The following CNTN1 variants were observed in gnomAD, a reference collection of about 807,000 sequenced individuals.
CNTN1 encodes contactin-1.
CNTN1 carries 38 observed loss-of-function variants against 126.4 expected under a neutral mutation model. The ratio of observed to expected loss-of-function variants is 0.30; its 90% CI spans 0.23 to 0.39. The LOEUF is 0.39. Ranked by LOEUF, CNTN1 falls within the 10% of genes least tolerant of loss-of-function variation. CNTN1 has a pLI of 1.00. For missense variants in CNTN1, 1,009 were observed against 1,248.4 expected, an observed-to-expected ratio of 0.81 and a Z score of 2.89; for synonymous variants, 413 against 422.6, an observed-to-expected ratio of 0.98 and a Z score of 0.28.
chr12:40,951,714 TTAAAAAAA>T (rs1369482715), intron 14 of CNTN1, among the ~76,000 whole-genome samples: 6 of 79,646 alleles, frequency 7.5e-5, no homozygotes, highest in Admixed American at 5.2e-4. Context: ...GTCTCAAAAT[TTAAAAAAA>T]AAAAAAAAAA....
intron 1 of CNTN1, among the ~76,000 whole-genome samples, chr12:40,893,494 AT>A (rs907490940): frequency 2.0e-5 from 3 of 151,936 alleles, no homozygotes; most frequent in Admixed American, 6.6e-5. Context: ...TCAGGAAGCA[AT>A]TTTTTTTAAA....
chr12:40,820,742 G>T (rs1941416977), intron 1 of CNTN1, among the ~76,000 whole-genome samples: 2 of 152,164 alleles, frequency 1.3e-5, no homozygotes, highest in Admixed American at 1.3e-4. Flanking sequence ...AAGATTCACG[G>T]GAAACCATGT....
chr12:40,950,767 T>A (rs1381963086), intron 14 of CNTN1, among the ~76,000 whole-genome samples: 1 of 152,154 alleles, frequency 6.6e-6, no homozygotes, highest in Non-Finnish European at 1.5e-5. Flanking sequence ...GTATCTATGT[T>A]CCTGGGTGTG....
chr12:40,949,014 C>A (rs1946544501), intron 14 of CNTN1, among the ~76,000 whole-genome samples: 1 of 152,112 alleles, frequency 6.6e-6, no homozygotes, highest in Non-Finnish European at 1.5e-5. Context: ...GAGAAGAAGA[C>A]AGATTTCTCA....
chr12:40,785,951 G>A (rs954046062), intron 1 of CNTN1, among the ~76,000 whole-genome samples: 1 of 152,032 alleles, frequency 6.6e-6, no homozygotes, highest in Non-Finnish European at 1.5e-5. Flanking sequence ...TACAACATTG[G>A]GGATTACATT....
At chr12:40,707,984 C>T (rs1248959937) in intron 1 of CNTN1, among the ~76,000 whole-genome samples, 1 of 152,188 alleles carries the variant, frequency 6.6e-6, no homozygotes. Context: ...ATAATATTAA[C>T]TCTTCCAATG....
chr12:40,868,630 C>T (rs1223313874), intron 1 of CNTN1, among the ~76,000 whole-genome samples: 3 of 152,208 alleles, frequency 2.0e-5, no homozygotes, highest in Non-Finnish European at 2.9e-5. Context: ...AAAAATTGCC[C>T]TCTTTGCTCC....
chr12:40,767,765 A>G (rs972406672), intron 1 of CNTN1, among the ~76,000 whole-genome samples: 2 of 152,126 alleles, frequency 1.3e-5, no homozygotes, highest in Admixed American at 1.3e-4. Context: ...CTTAAATACT[A>G]CTTGAAAAGT....
intron 15 of CNTN1, among the ~76,000 whole-genome samples, chr12:40,977,686 A>G (rs1253291397): frequency 1.3e-5 from 2 of 152,168 alleles, no homozygotes; most frequent in East Asian, 3.8e-4. Flanking sequence ...GTTAATAGAT[A>G]AGGTTTCCTG....
chr12:40,855,258 A>G (rs1942862753), intron 1 of CNTN1, among the ~76,000 whole-genome samples: 1 of 152,174 alleles, frequency 6.6e-6, no homozygotes. Context: ...AACATTCATC[A>G]TAAGTTTAAA....
chr12:40,744,282 T>C, intron 1 of CNTN1, among the ~76,000 whole-genome samples: 1 of 142,866 alleles, frequency 7.0e-6, no homozygotes, highest in African/African-American at 2.6e-5. Flanking sequence ...ACATGTATCC[T>C]GGAACTTTAA....
chr12:40,730,265 G>A (rs569132044), intron 1 of CNTN1, among the ~76,000 whole-genome samples: 100 of 152,326 alleles, frequency 6.6e-4, no homozygotes, highest in Admixed American at 1.6e-3. Context: ...ATGCCAAACC[G>A]CTAGTTGGTC....
chr12:40,947,667 C>G (rs1220003143), intron 14 of CNTN1, among the ~76,000 whole-genome samples: 1 of 151,262 alleles, frequency 6.6e-6, no homozygotes, highest in Admixed American at 6.6e-5. Context: ...GGGTCATTTT[C>G]TTTCAACTGT....
In CNTN1 at chr12:40,692,450, G is replaced by A. The variant is rs1283428490; in HGVS notation, c.-219G>A. The A allele has an allele frequency of 6.6e-6, 1 of 152,484 alleles. No individual in the cohort carries two copies. The highest frequency in any genetic ancestry group is 1.5e-5 in the Non-Finnish European group (1 of 68,242). The allele number at this position is 152,484 out of a possible 1,614,324, so 9.4% of individuals were successfully genotyped here. A position where few individuals can be genotyped will look rare whatever the true frequency, so the allele number is the denominator to read the frequency against. On this transcript the variant is annotated 5_prime_UTR_variant, in exon 1 of 24. Transcript: ENST00000551295. ...CGCCCTAAAAGGCCGGGCTTCTGCT[G>A]TCAAGTAGCCAGGGTGGGCTCCGCC...
At chr12:40,878,383 CA>C (rs11320917) in intron 1 of CNTN1, among the ~76,000 whole-genome samples, 14,815 of 151,238 alleles carry the variant, frequency 0.098, 853 homozygotes, top group Non-Finnish European at 0.13. Flanking sequence ...TAAACATATA[CA>C]AAAACAAATC....
At chr12:40,891,819 G>C (rs2136731254) in intron 1 of CNTN1, among the ~76,000 whole-genome samples, 1 of 152,076 alleles carries the variant, frequency 6.6e-6, no homozygotes, top group Non-Finnish European at 1.5e-5. Flanking sequence ...AAGTCTTGAG[G>C]TTGGACAGTG....
At chr12:40,785,557 G>A (rs563030524) in intron 1 of CNTN1, among the ~76,000 whole-genome samples, 49 of 152,274 alleles carry the variant, frequency 3.2e-4, no homozygotes, top group African/African-American at 1.2e-3. Context: ...TTTGGGATAG[G>A]TGGTGGAATT....
chr12:40,830,289 C>G (rs956120867), intron 1 of CNTN1, among the ~76,000 whole-genome samples: 7 of 151,782 alleles, frequency 4.6e-5, no homozygotes, highest in African/African-American at 1.7e-4. Context: ...GAGGAACCAA[C>G]AAAAAATTGA....
At chr12:41,050,522 GAGACATTC>G (rs1347201681) in intron 23 of CNTN1, among the ~76,000 whole-genome samples, 1 of 152,102 alleles carries the variant, frequency 6.6e-6, no homozygotes, top group East Asian at 1.9e-4. Flanking sequence ...AACAGCAAGG[GAGACATTC>G]ATCCCCATGA....
Sources: allele counts gnomAD v4.1 joint callset (sites outside exome capture counted in the v4.1 genomes callset), GRCh38; gene constraint gnomAD v4.1.1; transcripts MANE v1.5; gene names NCBI Gene and HGNC (gene_info 2026-07-23, HGNC 2026-07-21).